The following SIPA1L3 variants were observed in gnomAD, a reference collection of about 807,000 sequenced individuals.
SIPA1L3 encodes signal-induced proliferation-associated 1-like protein 3.
SIPA1L3 carries 59 observed loss-of-function variants against 150.1 expected under a neutral mutation model. The observed-to-expected ratio is 0.39, with a 90% CI of 0.32 to 0.49. The LOEUF (loss-of-function observed/expected upper bound fraction) is 0.49. SIPA1L3 is among the 20% of genes least tolerant of loss of function. The pLI is 0.86. For missense variants in SIPA1L3, 2,211 were observed against 2,489.5 expected, an observed-to-expected ratio of 0.89 and a Z score of 2.38; for synonymous variants, 1,070 against 1,077.6, an observed-to-expected ratio of 0.99 and a Z score of 0.14.
intron 2 of SIPA1L3, among the ~76,000 whole-genome samples, chr19:38,053,857 C>T (rs1017291462): frequency 5.3e-4 from 80 of 152,070 alleles, no homozygotes; most frequent in Admixed American, 1.3e-3. Flanking sequence ...TGAGCCGCCG[C>T]GCCCAGCCTT....
intron 1 of SIPA1L3, among the ~76,000 whole-genome samples, chr19:37,982,178 C>T (rs186607867): frequency 1.3e-5 from 2 of 152,232 alleles, no homozygotes; most frequent in Non-Finnish European, 2.9e-5. Context: ...TGTCCCAGAT[C>T]AAAGTCGAGA....
chr19:38,137,074 G>T (rs927990190), intron 10 of SIPA1L3, among the ~76,000 whole-genome samples: 1 of 152,188 alleles, frequency 6.6e-6, no homozygotes, highest in Non-Finnish European at 1.5e-5. Flanking sequence ...TCTGAGAAGA[G>T]AATTCCTCAC....
chr19:38,032,045 T>A (rs1968665098), intron 2 of SIPA1L3, among the ~76,000 whole-genome samples: 1 of 152,152 alleles, frequency 6.6e-6, no homozygotes, highest in South Asian at 2.1e-4. Flanking sequence ...ACCCACTAAT[T>A]TTACCATCCA....
intron 20 of SIPA1L3, 26 bp from the exon 21 acceptor site, chr19:38,204,101 G>A (rs1011352192): frequency 4.8e-5 from 75 of 1,549,092 alleles, no homozygotes; most frequent in Non-Finnish European, 6.5e-5. Context: ...AGGGCCTCAG[G>A]CTGACCTTGT....
At chr19:38,115,965 C>T (rs550452562) in intron 8 of SIPA1L3, among the ~76,000 whole-genome samples, 3 of 152,238 alleles carry the variant, frequency 2.0e-5, no homozygotes, top group Admixed American at 1.3e-4. Flanking sequence ...GTCGCACTGT[C>T]GCCCTTGTCT....
chr19:38,106,512 G>T, intron 6 of SIPA1L3, 25 bp from the exon 7 acceptor site: 2 of 1,509,436 alleles, frequency 1.3e-6, no homozygotes, highest in Non-Finnish European at 9.2e-7. Flanking sequence ...TGGAAACATG[G>T]TCCTAACTGG....
intron 2 of SIPA1L3, among the ~76,000 whole-genome samples, chr19:38,032,980 G>T (rs1487224150): frequency 1.3e-5 from 2 of 152,242 alleles, no homozygotes; most frequent in Admixed American, 6.5e-5. Flanking sequence ...TTTCGGACAA[G>T]GTGGCCAAGG....
At chr19:37,980,637 C>A (rs1157954717) in intron 1 of SIPA1L3, among the ~76,000 whole-genome samples, 1 of 151,758 alleles carries the variant, frequency 6.6e-6, no homozygotes, top group Non-Finnish European at 1.5e-5. Flanking sequence ...CCCGTCGAGG[C>A]ATGAAGGTTC....
At chr19:38,110,460 A>T in intron 8 of SIPA1L3, 76 bp downstream of exon 8, 2 of 1,275,540 alleles carry the variant, frequency 1.6e-6, no homozygotes, top group Non-Finnish European at 2.2e-6. Context: ...GTCCCAGTAC[A>T]GGGCCCCCCC....
intron 19 of SIPA1L3, 58 bp downstream of exon 19, chr19:38,198,590 A>T: frequency 7.3e-7 from 1 of 1,366,812 alleles, no homozygotes; most frequent in East Asian, 2.7e-5. Flanking sequence ...TTCTAGAGGG[A>T]TTCATGGAGG....
intron 1 of SIPA1L3, among the ~76,000 whole-genome samples, chr19:38,028,469 C>T (rs1171314942): frequency 6.6e-6 from 1 of 152,128 alleles, no homozygotes; most frequent in African/African-American, 2.4e-5. Context: ...GTCCCCTCGT[C>T]CGGGAGGCCT....
At chr19:38,112,005 GCA>G (rs1056062352) in intron 8 of SIPA1L3, among the ~76,000 whole-genome samples, 2 of 132,968 alleles carry the variant, frequency 1.5e-5, no homozygotes, top group East Asian at 2.2e-4. Context: ...CTGCACACAG[GCA>G]CACACATGCA....
intron 1 of SIPA1L3, among the ~76,000 whole-genome samples, chr19:37,975,994 A>G (rs985401896): frequency 2.6e-5 from 4 of 151,656 alleles, no homozygotes; most frequent in Admixed American, 2.0e-4. Context: ...AATCTCAGCT[A>G]CTTGGGAGGC....
chr19:37,951,698 A>G (rs1005213634), intron 1 of SIPA1L3, among the ~76,000 whole-genome samples: 1 of 151,910 alleles, frequency 6.6e-6, no homozygotes, highest in Non-Finnish European at 1.5e-5. Flanking sequence ...GGAAATAGAG[A>G]CTATCCTGGC....
At chr19:37,917,986 C>T (rs369987406) in intron 1 of SIPA1L3, among the ~76,000 whole-genome samples, 5 of 151,476 alleles carry the variant, frequency 3.3e-5, no homozygotes, top group Admixed American at 2.0e-4. Context: ...GCCTGGGTGA[C>T]GGAGAAAGAC....
At chr19:38,187,085 C>T (rs571239431) in intron 16 of SIPA1L3, among the ~76,000 whole-genome samples, 30 of 150,476 alleles carry the variant, frequency 2.0e-4, no homozygotes, top group African/African-American at 6.1e-4. Flanking sequence ...AAGGCCGAGG[C>T]GGGGGAATTA....
intron 12 of SIPA1L3, among the ~76,000 whole-genome samples, chr19:38,148,772 C>T (rs938377081): frequency 6.6e-6 from 1 of 152,216 alleles, no homozygotes; most frequent in Non-Finnish European, 1.5e-5. Context: ...TCCCCAGAGT[C>T]AGTACCTCCA....
chr19:38,013,900 G>A (rs1968167038), intron 1 of SIPA1L3, among the ~76,000 whole-genome samples: 1 of 152,226 alleles, frequency 6.6e-6, no homozygotes, highest in South Asian at 2.1e-4. Flanking sequence ...GCATTTCTGC[G>A]ATGTATTTAA....
intron 3 of SIPA1L3, among the ~76,000 whole-genome samples, chr19:38,084,569 A>G (rs1319981082): frequency 6.7e-6 from 1 of 150,014 alleles, no homozygotes; most frequent in African/African-American, 2.4e-5. Context: ...AAAAAAAAAA[A>G]AGACGAAGTA....
Sources: gnomAD v4.1 joint callset for allele counts (sites outside exome capture counted in the v4.1 genomes callset) on GRCh38, gnomAD v4.1.1 for gene constraint, MANE v1.5 for transcripts, NCBI Gene and HGNC (gene_info 2026-07-23, HGNC 2026-07-21) for gene names.